WNT7A: variants seen among roughly 807,000 people sequenced by gnomAD.
WNT7A encodes the protein Wnt family member 7A, also known as protein Wnt-7a.
Under a neutral mutation model 28.2 loss-of-function variants are expected in WNT7A, and 16 were observed. The observed-to-expected ratio is 0.57, with a 90% CI of 0.38 to 0.86. WNT7A has a LOEUF of 0.86. WNT7A is among the 40% of genes least tolerant of loss of function. The pLI is 0.00. For synonymous variants in WNT7A, 190 were observed against 195.9 expected (o/e 0.97, Z 0.25); for missense variants, 411 against 489.7 (o/e 0.84, Z 1.52).
chr3:13,879,195 G>A (rs1695166516), intron 1 of WNT7A, among the ~76,000 whole-genome samples: 1 of 152,248 alleles, frequency 6.6e-6, no homozygotes, highest in Admixed American at 6.5e-5. Flanking sequence ...AAGGCTCCGA[G>A]CGGCGGTTTA....
At chr3:13,841,917 A>G (rs559256392) in intron 3 of WNT7A, among the ~76,000 whole-genome samples, 7 of 152,278 alleles carry the variant, frequency 4.6e-5, no homozygotes, top group African/African-American at 1.2e-4. Context: ...TATTTGAGAA[A>G]AGACTTGAGG....
In WNT7A at chr3:13,864,969, T is replaced by G. The variant is rs142762373; in HGVS notation, c.298+9978A>C. Among the ~76,000 whole-genome samples, 717 of 152,356 alleles carry G rather than the reference T, an allele frequency of 4.7e-3. 3 individuals carry two copies. Among genetic ancestry groups the G allele is most frequent in the Admixed American group, 5.9e-3 (90 of 15,308 alleles). On this transcript the variant is annotated intron_variant, in intron 2 of 3. Transcript: ENST00000285018. The stretch of plus-strand genomic sequence containing the variant: ...AATGTCCGAAGCGAGGATGTGCCTC[T>G]TCTGTACCCTTGGGGAAAGATATGG...
In WNT7A at chr3:13,818,350, G is replaced by GAAAAAAAA. The variant is rs1491270987; in HGVS notation, c.*593_*594insTTTTTTTT. On this transcript the variant is annotated 3_prime_UTR_variant, in exon 4 of 4. Transcript: ENST00000285018. ...ATTTCTGGATAAGTAGCAGCAAACA[G>GAAAAAAAA]CAAAAAAAAAAAAAAAAATGTGTGT... 1 of 18,162 alleles carries GAAAAAAAA rather than the reference G, an allele frequency of 5.5e-5. No homozygotes were observed. The highest frequency in any genetic ancestry group is 4.2e-4 in the Admixed American group (1 of 2,360). 1.1% of individuals were successfully genotyped at this position (18,162 alleles called of 1,614,324 possible).
intron 2 of WNT7A, among the ~76,000 whole-genome samples, chr3:13,856,450 C>T (rs1003595948): frequency 1.3e-5 from 2 of 152,256 alleles, no homozygotes; most frequent in East Asian, 1.9e-4. Flanking sequence ...CTTTGGGGGT[C>T]GGGAAAGGGT....
intron 3 of WNT7A, among the ~76,000 whole-genome samples, chr3:13,850,247 G>A (rs1286168826): frequency 1.3e-5 from 2 of 152,146 alleles, no homozygotes; most frequent in Admixed American, 6.5e-5. Flanking sequence ...TCAGGCCCTC[G>A]ACATGCCACC....
chr3:13,832,793 G>A (rs1233176563), intron 3 of WNT7A, among the ~76,000 whole-genome samples: 1 of 152,108 alleles, frequency 6.6e-6, no homozygotes, highest in Admixed American at 6.5e-5. Flanking sequence ...CATAGGACAG[G>A]GCCCCTGGAA....
intron 3 of WNT7A, among the ~76,000 whole-genome samples, chr3:13,847,281 A>AG (rs1184536628): frequency 1.3e-5 from 2 of 152,062 alleles, no homozygotes; most frequent in Non-Finnish European, 2.9e-5. Flanking sequence ...AGCTTTTCTC[A>AG]AGCCCACCAT....
intron 2 of WNT7A, among the ~76,000 whole-genome samples, chr3:13,867,043 G>A (rs866582833): frequency 6.2e-4 from 95 of 152,178 alleles, no homozygotes; most frequent in African/African-American, 2.3e-3. Flanking sequence ...CATGGGTCCC[G>A]GGTTCCTTGA....
chr3:13,838,778 G>C (rs1246221201), intron 3 of WNT7A, among the ~76,000 whole-genome samples: 1 of 152,190 alleles, frequency 6.6e-6, no homozygotes, highest in African/African-American at 2.4e-5. Flanking sequence ...TAGGTATGGA[G>C]TGGACTTTCC....
chr3:13,855,281 T>A (rs182442734), intron 2 of WNT7A, among the ~76,000 whole-genome samples: 139 of 152,364 alleles, frequency 9.1e-4, no homozygotes, highest in African/African-American at 3.0e-3. Context: ...TCTGTGACTA[T>A]TGGCCAAGGA....
At chr3:13,836,005 T>C (rs987542529) in intron 3 of WNT7A, among the ~76,000 whole-genome samples, 3 of 152,042 alleles carry the variant, frequency 2.0e-5, no homozygotes, top group African/African-American at 7.2e-5. Flanking sequence ...GAGGAGTTGC[T>C]GCCAGGGGCT....
At position 13,878,448 on chromosome 3, in the gene WNT7A, G is replaced by A. The variant is rs192159597; in HGVS notation, c.71+1298C>T. ...AAAAAGGAAAGCCACCCAGACGCGGGCGAATCAATAACACTTAAAACACAC... is the reference window on the plus strand; with the variant it reads ...AAAAAGGAAAGCCACCCAGACGCGGACGAATCAATAACACTTAAAACACAC... On this transcript the variant is annotated intron_variant, in intron 1 of 3. Coordinates refer to ENST00000285018, the MANE Select transcript of WNT7A (RefSeq NM_004625.4). Among the ~76,000 whole-genome samples, 124 of 152,290 alleles carry A rather than the reference G, an allele frequency of 8.1e-4. 4 individuals carry two copies. The highest frequency in any genetic ancestry group is 7.4e-3 in the Admixed American group (113 of 15,306).
intron 3 of WNT7A, among the ~76,000 whole-genome samples, chr3:13,841,108 A>G (rs1336422668): frequency 6.6e-6 from 1 of 152,220 alleles, no homozygotes; most frequent in East Asian, 1.9e-4. Context: ...AGAAATGAAC[A>G]CAATCAGGGA....
In WNT7A at chr3:13,817,258, A is replaced by T. The variant is rs558466788; in HGVS notation, c.*1686T>A. ...AGAGACTCTGGGGAGCAGCAGATGC[A>T]AAGGCATGCAGCTCCATGCCTGAGA... On this transcript the variant is annotated 3_prime_UTR_variant, in exon 4 of 4. Coordinates refer to ENST00000285018, the MANE Select transcript of WNT7A (RefSeq NM_004625.4). 1.3e-5 allele frequency: 2 copies of T among 152,372 alleles called. No individual in the cohort carries two copies. The highest frequency in any genetic ancestry group is 3.9e-4 in the East Asian group (2 of 5,166). The allele number at this position is 152,372 out of a possible 1,614,324, so 9.4% of individuals were successfully genotyped here. A position where few individuals can be genotyped will look rare whatever the true frequency, so the allele number is the denominator to read the frequency against.
intron 3 of WNT7A, among the ~76,000 whole-genome samples, chr3:13,851,486 CCTT>C (rs1454590447): frequency 6.6e-6 from 1 of 152,216 alleles, no homozygotes; most frequent in African/African-American, 2.4e-5. Context: ...CTAAGAGTTC[CCTT>C]CTTCTGCCTA....
chr3:13,867,821 C>G (rs1348018462), intron 2 of WNT7A, among the ~76,000 whole-genome samples: 1 of 152,200 alleles, frequency 6.6e-6, no homozygotes, highest in African/African-American at 2.4e-5. Context: ...CGAACATGCA[C>G]AGCCAGTAAA....
At chr3:13,833,494 G>A (rs977289110) in intron 3 of WNT7A, among the ~76,000 whole-genome samples, 5 of 152,250 alleles carry the variant, frequency 3.3e-5, no homozygotes, top group Admixed American at 6.5e-5. Flanking sequence ...GTAAACTGGG[G>A]CATTTAAAGT....
chr3:13,820,931 T>C (rs2124825516), intron 3 of WNT7A, among the ~76,000 whole-genome samples: 1 of 152,296 alleles, frequency 6.6e-6, no homozygotes, highest in Non-Finnish European at 1.5e-5. Flanking sequence ...ACACCTGGCA[T>C]CACAGAGTAC....
chr3:13,868,283 G>A (rs1314720811), intron 2 of WNT7A, among the ~76,000 whole-genome samples: 1 of 151,902 alleles, frequency 6.6e-6, no homozygotes, highest in Non-Finnish European at 1.5e-5. Flanking sequence ...TTGAAGCTGG[G>A]AATTTGAGAC....
Sources: allele counts gnomAD v4.1 joint callset (sites outside exome capture counted in the v4.1 genomes callset), GRCh38; gene constraint gnomAD v4.1.1; transcripts MANE v1.5; gene names NCBI Gene and HGNC (gene_info 2026-07-23, HGNC 2026-07-21).